GALNT13: variants seen among roughly 807,000 people sequenced by gnomAD.
The protein encoded by GALNT13 is UDP-GalNAc:polypeptide N-acetylgalactosaminyltransferase 13.
GALNT13 carries 28 observed loss-of-function variants against 64.2 expected under a neutral mutation model. The ratio of observed to expected loss-of-function variants is 0.44; its 90% confidence interval spans 0.32 to 0.60. GALNT13 has a LOEUF of 0.60. GALNT13 is among the 20% of genes least tolerant of loss of function. The pLI is 0.05. For missense variants in GALNT13, 577 were observed against 669.8 expected, an observed-to-expected ratio of 0.86 and a Z score of 1.53; for synonymous variants, 214 against 224.6, an observed-to-expected ratio of 0.95 and a Z score of 0.42.
chr2:154,027,126 A>G (rs1451110883), intron 3 of GALNT13, among the ~76,000 whole-genome samples: 3 of 152,176 alleles, frequency 2.0e-5, no homozygotes, highest in Non-Finnish European at 4.4e-5. Context: ...CTTTTTACCT[A>G]TCTAAACAAC....
chr2:153,485,971 C>T, the GALNT13 span, among the ~76,000 whole-genome samples: 4 of 152,164 alleles, frequency 2.6e-5, no homozygotes, highest in African/African-American at 7.2e-5. Flanking sequence ...GAGTCTTTCT[C>T]TGTCACCCAG....
intron 3 of GALNT13, among the ~76,000 whole-genome samples, chr2:153,955,087 G>A (rs192739661): frequency 5.9e-5 from 9 of 152,194 alleles, no homozygotes; most frequent in Non-Finnish European, 8.8e-5. Context: ...CATTTATTGA[G>A]TCTCTAGAGC....
chr2:154,226,174 A>T (rs909674371), intron 4 of GALNT13, among the ~76,000 whole-genome samples: 3 of 152,120 alleles, frequency 2.0e-5, no homozygotes, highest in Non-Finnish European at 4.4e-5. Context: ...ATCTTTTATT[A>T]TGAAGCCTTT....
At chr2:153,657,785 C>T in the GALNT13 span, among the ~76,000 whole-genome samples, 1 of 152,118 alleles carries the variant, frequency 6.6e-6, no homozygotes, top group Admixed American at 6.6e-5. Context: ...TGTTTGAGAA[C>T]AACTTGGCAG....
At chr2:153,597,578 G>A in the GALNT13 span, among the ~76,000 whole-genome samples, 1 of 152,020 alleles carries the variant, frequency 6.6e-6, no homozygotes, top group African/African-American at 2.4e-5. Context: ...GTTAGAGAAT[G>A]TTTTCTTAGA....
the GALNT13 span, among the ~76,000 whole-genome samples, chr2:153,501,417 C>G: frequency 1.3e-5 from 2 of 152,018 alleles, no homozygotes; most frequent in African/African-American, 4.8e-5. Flanking sequence ...CTTCAACCTC[C>G]ACCTCCTAGT....
intron 2 of GALNT13, among the ~76,000 whole-genome samples, chr2:153,939,529 C>A (rs2105374193): frequency 6.6e-6 from 1 of 152,256 alleles, no homozygotes; most frequent in Admixed American, 6.5e-5. Context: ...GTGCATAGTT[C>A]AATGAGTTTT....
chr2:153,964,167 G>C (rs1258188725), intron 3 of GALNT13, among the ~76,000 whole-genome samples: 2 of 152,022 alleles, frequency 1.3e-5, no homozygotes, highest in Admixed American at 6.5e-5. Flanking sequence ...AGCATTTTTG[G>C]CCGGGTCCTA....
intron 9 of GALNT13, among the ~76,000 whole-genome samples, chr2:154,339,005 C>T (rs901829872): frequency 6.6e-6 from 1 of 152,080 alleles, no homozygotes; most frequent in Admixed American, 6.6e-5. Flanking sequence ...GCATAATGCA[C>T]TTTGGAGAAA....
At chr2:153,793,114 G>A in the GALNT13 span, among the ~76,000 whole-genome samples, 1 of 151,652 alleles carries the variant, frequency 6.6e-6, no homozygotes, top group Non-Finnish European at 1.5e-5. Flanking sequence ...TGAGACTATA[G>A]GCACATGCCA....
the GALNT13 span, among the ~76,000 whole-genome samples, chr2:153,727,367 C>A: frequency 6.6e-6 from 1 of 152,116 alleles, no homozygotes; most frequent in African/African-American, 2.4e-5. Flanking sequence ...TGTTAAGAGG[C>A]CACAATTTAT....
At chr2:153,249,118 T>C in the GALNT13 span, among the ~76,000 whole-genome samples, 1 of 152,218 alleles carries the variant, frequency 6.6e-6, no homozygotes, top group African/African-American at 2.4e-5. Context: ...CATAATTCCA[T>C]ATCTAGAAAA....
At chr2:153,774,169 A>C in the GALNT13 span, among the ~76,000 whole-genome samples, 4 of 152,126 alleles carry the variant, frequency 2.6e-5, no homozygotes, top group Admixed American at 1.3e-4. Context: ...CATGTATATA[A>C]AGAATTTTTA....
At chr2:153,272,686 A>T in the GALNT13 span, among the ~76,000 whole-genome samples, 1 of 152,186 alleles carries the variant, frequency 6.6e-6, no homozygotes, top group South Asian at 2.1e-4. Flanking sequence ...TATTAGTTCA[A>T]CCATTGTGGA....
chr2:154,102,153 A>G (rs915527860), intron 3 of GALNT13, among the ~76,000 whole-genome samples: 1 of 152,180 alleles, frequency 6.6e-6, no homozygotes, highest in East Asian at 1.9e-4. Context: ...TCCATTAATT[A>G]GTTCCATTTG....
At chr2:153,228,869 C>CAAAAAAAAAAAAA in the GALNT13 span, among the ~76,000 whole-genome samples, 1 of 68,630 alleles carries the variant, frequency 1.5e-5, no homozygotes, top group Non-Finnish European at 2.7e-5. Flanking sequence ...GAGACTGTCT[C>CAAAAAAAAAAAAA]AAAAAAAAAA....
At chr2:153,114,833 T>C in the GALNT13 span, among the ~76,000 whole-genome samples, 1 of 151,840 alleles carries the variant, frequency 6.6e-6, no homozygotes, top group Non-Finnish European at 1.5e-5. Context: ...TTCTTTTTTC[T>C]CTTTCCAATC....
chr2:153,804,942 G>T, the GALNT13 span, among the ~76,000 whole-genome samples: 1 of 151,940 alleles, frequency 6.6e-6, no homozygotes, highest in African/African-American at 2.4e-5. Flanking sequence ...TAGAACATAA[G>T]TGGCAGAACC....
the GALNT13 span, among the ~76,000 whole-genome samples, chr2:153,116,849 G>A: frequency 7.3e-6 from 1 of 137,106 alleles, no homozygotes; most frequent in African/African-American, 2.7e-5. Flanking sequence ...CCCCAGGCTG[G>A]AGTGCAGGGG....
Sources: gnomAD v4.1 joint callset for allele counts (sites outside exome capture counted in the v4.1 genomes callset) on GRCh38, gnomAD v4.1.1 for gene constraint, MANE v1.5 for transcripts, NCBI Gene and HGNC (gene_info 2026-07-23, HGNC 2026-07-21) for gene names.